CABIN1: variants seen among roughly 807,000 people sequenced by gnomAD.
CABIN1 encodes calcineurin-binding protein cabin-1.
Under a neutral mutation model 227.7 loss-of-function variants are expected in CABIN1, and 133 were observed. That is an observed-to-expected ratio of 0.58 (90% CI 0.51 to 0.67). The LOEUF is 0.67. CABIN1 is among the 30% of genes least tolerant of loss of function. The pLI is 0.00. For missense variants in CABIN1, 2,408 were observed against 2,852.5 expected (o/e 0.84, Z 3.55); for synonymous variants, 1,086 against 1,155.1 (o/e 0.94, Z 1.21).
intron 29 of CABIN1, among the ~76,000 whole-genome samples, chr22:24,163,916 G>A (rs1446650803): frequency 6.6e-6 from 1 of 152,218 alleles, no homozygotes; most frequent in Admixed American, 6.5e-5. Flanking sequence ...GGCATCCCAG[G>A]AGCTGCAGAT....
At chr22:24,163,351 G>A (rs2046265409) in intron 29 of CABIN1, among the ~76,000 whole-genome samples, 1 of 152,126 alleles carries the variant, frequency 6.6e-6, no homozygotes, top group Non-Finnish European at 1.5e-5. Flanking sequence ...CCTGTGTACA[G>A]ATACTGTGGA....
At chr22:24,152,417 C>T (rs530338267) in intron 29 of CABIN1, among the ~76,000 whole-genome samples, 16 of 152,254 alleles carry the variant, frequency 1.1e-4, no homozygotes, top group African/African-American at 2.4e-4. Flanking sequence ...CACTCTGTCT[C>T]GACCGTTGGG....
chr22:24,068,704 TA>T (rs1460618439), intron 16 of CABIN1, among the ~76,000 whole-genome samples: 6 of 152,362 alleles, frequency 3.9e-5, no homozygotes, highest in African/African-American at 7.2e-5. Flanking sequence ...ATCTTGCAAA[TA>T]TTTTTTTCCC....
chr22:24,158,996 A>G (rs1038039716), intron 29 of CABIN1, among the ~76,000 whole-genome samples: 8 of 152,090 alleles, frequency 5.3e-5, no homozygotes, highest in Admixed American at 2.6e-4. Context: ...CTGGAATACT[A>G]CTTTTCTGGG....
At chr22:24,127,501 T>TTCAGACAGAAGAGCTGAATCAATGGA (rs1301397605) in intron 28 of CABIN1, among the ~76,000 whole-genome samples, 1 of 152,116 alleles carries the variant, frequency 6.6e-6, no homozygotes, top group Admixed American at 6.6e-5. Flanking sequence ...TCTAGATGGA[T>TTCAGACAGAAGAGCTGAATCAATGGA]TCAGACAGAA....
At chr22:24,054,836 AGGGTGGTGAT>A in intron 8 of CABIN1, 27 bp from the exon 9 acceptor site, 1 of 1,613,934 alleles carries the variant, frequency 6.2e-7, no homozygotes. Context: ...TTCCTCTGAC[AGGGTGGTGAT>A]CAGGTGTTGT....
At chr22:24,130,979 C>T (rs1742684162) in intron 28 of CABIN1, among the ~76,000 whole-genome samples, 1 of 152,180 alleles carries the variant, frequency 6.6e-6, no homozygotes, top group Non-Finnish European at 1.5e-5. Flanking sequence ...ATCTGGGGGA[C>T]AAACTGGCTT....
At chr22:24,035,277 G>GACCAAGGT (rs964346956) in intron 1 of CABIN1, among the ~76,000 whole-genome samples, 167 bp from the exon 2 acceptor site, 11 of 152,166 alleles carry the variant, frequency 7.2e-5, no homozygotes, top group African/African-American at 2.4e-4. Context: ...TATCGTAAGG[G>GACCAAGGT]ACCAAGGAGC....
intron 1 of CABIN1, among the ~76,000 whole-genome samples, chr22:24,016,630 A>G (rs2035306834): frequency 6.6e-6 from 1 of 152,214 alleles, no homozygotes; most frequent in Non-Finnish European, 1.5e-5. Context: ...GTATTTTTGT[A>G]TTGTTGGAGG....
chr22:24,031,529 C>T (rs1350129922), intron 1 of CABIN1, among the ~76,000 whole-genome samples: 2 of 152,152 alleles, frequency 1.3e-5, no homozygotes, highest in East Asian at 1.9e-4. Flanking sequence ...CTAGGTAGGA[C>T]AGCTGATTTT....
chr22:24,166,197 C>T (rs1339813277), intron 31 of CABIN1, among the ~76,000 whole-genome samples: 1 of 152,168 alleles, frequency 6.6e-6, no homozygotes, highest in African/African-American at 2.4e-5. Context: ...CCCCAGGCCT[C>T]GTGCATTAAG....
chr22:24,069,067 C>G (rs1162006564), intron 16 of CABIN1, among the ~76,000 whole-genome samples: 3 of 152,228 alleles, frequency 2.0e-5, no homozygotes, highest in African/African-American at 7.2e-5. Flanking sequence ...TTTCATTTAG[C>G]TTTTCTCAAG....
chr22:24,076,936 A>G (rs997227580), intron 19 of CABIN1, among the ~76,000 whole-genome samples: 2 of 152,192 alleles, frequency 1.3e-5, no homozygotes, highest in Non-Finnish European at 2.9e-5. Flanking sequence ...CCTCAGACCC[A>G]GCCTATAATA....
Position 24,083,531 on chromosome 22 carries a change from G to T in CABIN1, c.2910+142G>T, listed in dbSNP as rs928516325. On this transcript the variant is annotated intron_variant, in intron 20 of 36. Coordinates refer to ENST00000263119, the MANE Select transcript of CABIN1 (RefSeq NM_012295.4). ...GAGGAGAGAAGACGGTCTGATGAGT[G>T]TATCAAAGGACAAGGGTTTTTCTTG... 5.7e-6 allele frequency: 5 copies of T among 869,730 alleles called. No individual in the cohort carries two copies. The African/African-American group carries it at 6.7e-5, about 12-fold the overall frequency. The allele number at this position is 869,730 out of a possible 1,614,324, so 53.9% of individuals were successfully genotyped here.
chr22:24,165,657 G>A (rs745584518), intron 31 of CABIN1, 31 bp downstream of exon 31: 24 of 1,579,166 alleles, frequency 1.5e-5, no homozygotes, highest in South Asian at 7.9e-5. Flanking sequence ...TCTCCTCCAC[G>A]GCCCATGAAC....
intron 23 of CABIN1, among the ~76,000 whole-genome samples, chr22:24,088,094 GTC>G (rs2041288862): frequency 6.6e-6 from 1 of 152,182 alleles, no homozygotes; most frequent in Non-Finnish European, 1.5e-5. Context: ...GATTTTTGAA[GTC>G]TCTCTTGGTA....
chr22:24,178,064 T>G lies in CABIN1; in HGVS notation c.6531T>G (p.Leu2177=). 4 of 1,613,694 alleles carry G rather than the reference T, an allele frequency of 2.5e-6. No individual in the cohort carries two copies. The highest frequency in any genetic ancestry group is 3.4e-6 in the Non-Finnish European group (4 of 1,179,950). ...ETKQKLKSAI[L]SAQSAANVRK... ...GGCCCTCTCCGCAGTCAGCCATCCT[T>G]TCTGCCCAGTCTGCTGCCAACGTGA... Residue 2177 remains leucine, a synonymous_variant, in exon 37 of 37, where the codon CTT becomes CTG. Coordinates refer to ENST00000263119, the MANE Select transcript of CABIN1 (RefSeq NM_012295.4).
chr22:24,151,255 C>A (rs780243300), intron 29 of CABIN1, among the ~76,000 whole-genome samples: 22 of 152,146 alleles, frequency 1.4e-4, no homozygotes, highest in Non-Finnish European at 4.4e-5. Flanking sequence ...CTGTGCAGGC[C>A]GTCCAGGGAG....
rs141570316 is a variant in CABIN1 at position 24,073,726 on chromosome 22, A to G, written c.2632+1216A>G. ...CTGAAGGAAGAGCAGGGGCAGAGGA[A>G]GACATTGGGGAGGTGGAGTGGGGCC... On this transcript the variant is annotated intron_variant, in intron 18 of 36. Coordinates refer to ENST00000263119, the MANE Select transcript of CABIN1 (RefSeq NM_012295.4). 5.8e-3 allele frequency among the ~76,000 whole-genome samples: 876 copies of G among 152,238 alleles called. 5 individuals are homozygous for G. Among genetic ancestry groups the G allele is most frequent in the Non-Finnish European group, 7.4e-3 (504 of 68,014 alleles).
Sources: allele counts gnomAD v4.1 joint callset (sites outside exome capture counted in the v4.1 genomes callset), GRCh38; gene constraint gnomAD v4.1.1; transcripts MANE v1.5; gene names NCBI Gene and HGNC (gene_info 2026-07-23, HGNC 2026-07-21).